GALNTL6: variants seen among roughly 807,000 people sequenced by gnomAD.
GALNTL6 encodes polypeptide N-acetylgalactosaminyltransferase like 6.
Under a neutral mutation model 73.7 loss-of-function variants are expected in GALNTL6, and 46 were observed. The observed-to-expected ratio is 0.62, with a 90% CI of 0.49 to 0.80. The LOEUF is 0.80. Among genes scored for constraint, GALNTL6 ranks in the 30% least tolerant of loss-of-function variants. The probability of loss-of-function intolerance (pLI) is 0.00; values close to 1 mark genes in which losing one functional copy is unlikely to be tolerated. For synonymous variants in GALNTL6, 259 were observed against 263.7 expected (o/e 0.98, Z 0.17); for missense variants, 604 against 755.0 (o/e 0.80, Z 2.34).
chr4:172,223,120 C>T, intron 2 of GALNTL6, among the ~76,000 whole-genome samples: 1 of 151,970 alleles, frequency 6.6e-6, no homozygotes, highest in East Asian at 1.9e-4. Flanking sequence ...GATCCTGATC[C>T]TGTTTCAGAT....
chr4:172,544,160 A>G (rs902955496), intron 5 of GALNTL6, among the ~76,000 whole-genome samples: 4 of 152,140 alleles, frequency 2.6e-5, no homozygotes, highest in Non-Finnish European at 5.9e-5. Context: ...AGATCCTGGT[A>G]TAGGTTTTTT....
intron 5 of GALNTL6, among the ~76,000 whole-genome samples, chr4:172,785,109 TG>T (rs1455818945): frequency 6.6e-6 from 1 of 152,186 alleles, no homozygotes; most frequent in East Asian, 1.9e-4. Context: ...CAGTATGTTC[TG>T]AGAGTTATAT....
rs1195842980 is a variant in GALNTL6, at chr4:172,112,869, G to C, written c.139-116787G>C. Among the ~76,000 whole-genome samples, 4 of 151,794 alleles carry C rather than the reference G, an allele frequency of 2.6e-5. No individual in the cohort carries two copies. In the East Asian group the frequency reaches 7.7e-4, roughly 29 times the overall value. ...AGATGTTATAGCCAAAAGATACTGTGCATGAATTGGGAAGTGGACCCTCGC... is the reference window on the plus strand; with the variant it reads ...AGATGTTATAGCCAAAAGATACTGTCCATGAATTGGGAAGTGGACCCTCGC... On this transcript the variant is annotated intron_variant, in intron 2 of 12. Transcript: ENST00000506823.
At chr4:172,275,019 A>T (rs1738779187) in intron 3 of GALNTL6, among the ~76,000 whole-genome samples, 1 of 152,106 alleles carries the variant, frequency 6.6e-6, no homozygotes, top group East Asian at 1.9e-4. Context: ...TGATTGAATT[A>T]TTTCTTCCTG....
intron 5 of GALNTL6, among the ~76,000 whole-genome samples, chr4:172,520,963 A>C (rs1040270130): frequency 1.3e-5 from 2 of 152,086 alleles, no homozygotes; most frequent in African/African-American, 4.8e-5. Flanking sequence ...CTTGTTAGTC[A>C]AAAATAGATT....
chr4:171,959,984 G>A (rs1332303186), intron 2 of GALNTL6, among the ~76,000 whole-genome samples: 1 of 152,120 alleles, frequency 6.6e-6, no homozygotes, highest in East Asian at 1.9e-4. Flanking sequence ...TTTTCCAATG[G>A]AGAACATATC....
chr4:172,874,255 A>C (rs975156926), intron 7 of GALNTL6, among the ~76,000 whole-genome samples: 9 of 152,200 alleles, frequency 5.9e-5, no homozygotes, highest in African/African-American at 2.4e-5. Context: ...GGGAGAGATA[A>C]GAGCCTGGAC....
chr4:171,963,151 A>G (rs1335820654), intron 2 of GALNTL6, among the ~76,000 whole-genome samples: 1 of 151,406 alleles, frequency 6.6e-6, no homozygotes, highest in Non-Finnish European at 1.5e-5. Context: ...GCTCTAATTT[A>G]TAGGATCATA....
rs534567136 is a variant in GALNTL6, at chr4:171,857,762, A to G, written c.138+43044A>G. On this transcript the variant is annotated intron_variant, in intron 2 of 12. Transcript: ENST00000506823. ...TACTCTGTTGGTAATCTAAGGTTAC[A>G]GTAAATTGCACATGAGCTGCTTTGC... Among the ~76,000 whole-genome samples the G allele has an allele frequency of 1.5e-3, 222 of 152,336 alleles. 1 individual carries two copies. Among genetic ancestry groups the G allele is most frequent in the Non-Finnish European group, 2.7e-3 (181 of 68,002 alleles).
At chr4:172,645,588 A>G (rs1039697171) in intron 5 of GALNTL6, among the ~76,000 whole-genome samples, 4 of 152,002 alleles carry the variant, frequency 2.6e-5, no homozygotes, top group Non-Finnish European at 5.9e-5. Context: ...GCAAAGAAAC[A>G]TTTTCTATCT....
chr4:171,970,585 T>A (rs531790665), intron 2 of GALNTL6, among the ~76,000 whole-genome samples: 1 of 152,326 alleles, frequency 6.6e-6, no homozygotes, highest in African/African-American at 2.4e-5. Flanking sequence ...TGTGTGCTTC[T>A]TCATCCTTAA....
At chr4:172,083,826 C>G (rs1486773852) in intron 2 of GALNTL6, among the ~76,000 whole-genome samples, 2 of 152,108 alleles carry the variant, frequency 1.3e-5, no homozygotes. Context: ...TATAACTGTT[C>G]TAGTTCTAAT....
intron 5 of GALNTL6, among the ~76,000 whole-genome samples, chr4:172,730,315 T>G (rs1443376960): frequency 6.6e-6 from 1 of 152,216 alleles, no homozygotes. Flanking sequence ...TCCAAGTCTT[T>G]AGAGGATAGG....
chr4:172,518,443 G>T (rs1274662254), intron 5 of GALNTL6, among the ~76,000 whole-genome samples: 1 of 151,948 alleles, frequency 6.6e-6, no homozygotes, highest in South Asian at 2.1e-4. Flanking sequence ...TACTAGAACT[G>T]TTACATATGA....
Position 172,616,369 on chromosome 4 carries a change from G to A in GALNTL6, c.554-192992G>A, listed in dbSNP as rs1305809774. 2.0e-5 allele frequency among the ~76,000 whole-genome samples: 3 copies of A among 152,002 alleles called. No homozygotes were observed. In the East Asian group the frequency reaches 5.8e-4, roughly 29 times the overall value. On this transcript the variant is annotated intron_variant, in intron 5 of 12. Transcript: ENST00000506823. ...TAACTGACTTCTTCAGAATGTTGCT[G>A]AACATCTGCAGAGGGAGACATTTCT... is the stretch of plus-strand genomic sequence containing the variant.
At chr4:172,364,714 T>C (rs965913548) in intron 5 of GALNTL6, among the ~76,000 whole-genome samples, 4 of 151,926 alleles carry the variant, frequency 2.6e-5, no homozygotes, top group Admixed American at 2.6e-4. Context: ...AAACAAAGAG[T>C]GTGTAGAGGA....
At chr4:172,354,956 G>A (rs1361633398) in intron 5 of GALNTL6, among the ~76,000 whole-genome samples, 1 of 151,958 alleles carries the variant, frequency 6.6e-6, no homozygotes, top group Admixed American at 6.6e-5. Context: ...AAGTGTTCAG[G>A]AATGCTACAC....
chr4:171,828,601 C>G (rs1734885835), intron 2 of GALNTL6, among the ~76,000 whole-genome samples: 1 of 152,096 alleles, frequency 6.6e-6, no homozygotes, highest in Non-Finnish European at 1.5e-5. Context: ...CATGTCTTTT[C>G]TCTTCCTCAT....
chr4:172,448,583 C>T (rs1732106674), intron 5 of GALNTL6, among the ~76,000 whole-genome samples: 1 of 152,124 alleles, frequency 6.6e-6, no homozygotes, highest in African/African-American at 2.4e-5. Flanking sequence ...AACCAACATC[C>T]ACACAGTCTA....
Sources: gnomAD v4.1 joint callset for allele counts (sites outside exome capture counted in the v4.1 genomes callset) on GRCh38, gnomAD v4.1.1 for gene constraint, MANE v1.5 for transcripts, NCBI Gene and HGNC (gene_info 2026-07-23, HGNC 2026-07-21) for gene names.